Variants in DYNLRB2 observed in about 807,000 individuals in gnomAD.
DYNLRB2 encodes the protein dynein light chain roadblock-type 2.
In DYNLRB2, 14 loss-of-function variants were observed where a neutral mutation model predicts 12.6. The ratio of observed to expected loss-of-function variants is 1.11; its 90% CI spans 0.73 to 1.73. DYNLRB2 has a LOEUF of 1.73. Ranked by LOEUF, DYNLRB2 falls within the 40% of genes most tolerant of loss-of-function variation. The pLI, the probability that DYNLRB2 is intolerant of heterozygous loss-of-function variation, is 0.00. For missense variants in DYNLRB2, 142 were observed against 117.7 expected (o/e 1.21, Z -0.95); for synonymous variants, 53 against 37.0 (o/e 1.43, Z -1.57).
Position 80,550,512 on chromosome 16 carries a change from T to A in DYNLRB2, c.248-3T>A, listed in dbSNP as rs368189826. On this transcript the variant is annotated splice_region_variant and splice_polypyrimidine_tract_variant and intron_variant, in intron 3 of 3. Coordinates refer to ENST00000305904, the MANE Select transcript of DYNLRB2 (RefSeq NM_130897.3). The stretch of plus-strand genomic sequence containing the variant: ...TGAATTGATTTTATCCATCTCTCCA[T>A]AGATAAGGAATATCTTCTGATCGTC... 6.2e-7 allele frequency: 1 copy of A among 1,614,160 alleles called. No homozygotes were observed. The highest frequency in any genetic ancestry group is 1.1e-5 in the South Asian group (1 of 91,082).
intron 2 of DYNLRB2, among the ~76,000 whole-genome samples, chr16:80,546,680 C>A (rs1312157236): frequency 6.6e-6 from 1 of 152,156 alleles, no homozygotes; most frequent in Non-Finnish European, 1.5e-5. Context: ...GTATATTTGT[C>A]ACCCGGGCAG....
At chr16:80,544,083 A>G (rs899201698) in intron 2 of DYNLRB2, among the ~76,000 whole-genome samples, 7 of 152,190 alleles carry the variant, frequency 4.6e-5, no homozygotes, top group Admixed American at 3.3e-4. Context: ...ACTTTACATA[A>G]TTTGTGGTGC....
upstream of DYNLRB2, chr16:80,540,915 G>C: frequency 3.0e-6 from 4 of 1,312,832 alleles, no homozygotes; most frequent in Non-Finnish European, 3.2e-6. Context: ...GGCATCAGGA[G>C]CGCGGTCAGG....
At chr16:80,547,950 G>C (rs1904582685) in intron 2 of DYNLRB2, 2 of 325,168 alleles carry the variant, frequency 6.2e-6, no homozygotes, top group Non-Finnish European at 1.2e-5. Context: ...AAAAGAAAGA[G>C]AAATCAGTCT....
chr16:80,542,443 G>A (rs576371868), intron 1 of DYNLRB2, among the ~76,000 whole-genome samples: 1 of 152,272 alleles, frequency 6.6e-6, no homozygotes, highest in African/African-American at 2.4e-5. Context: ...CTATCTTGAA[G>A]TAACAAAATG....
At chr16:80,547,550 G>A (rs1904551949) in intron 2 of DYNLRB2, among the ~76,000 whole-genome samples, 1 of 152,126 alleles carries the variant, frequency 6.6e-6, no homozygotes, top group African/African-American at 2.4e-5. Flanking sequence ...CTTGGATCAT[G>A]AACAGACTAA....
At position 80,550,736 on chromosome 16, in the gene DYNLRB2, T is replaced by C. The variant is rs1904795113; in HGVS notation, c.*178T>C. 1 of 665,064 alleles carries C rather than the reference T, an allele frequency of 1.5e-6. No homozygotes were observed. Among genetic ancestry groups the C allele is most frequent in the East Asian group, 2.7e-5 (1 of 36,556 alleles). 41.2% of individuals were successfully genotyped at this position (665,064 alleles called of 1,614,324 possible). ...TTTGATTATATTGTGAAGTTGTACT[T>C]TAGTGATACAATAAGTGAATTCTGG... On this transcript the variant is annotated 3_prime_UTR_variant, in exon 4 of 4. Transcript: ENST00000305904.
At chr16:80,541,805 G>C (rs961645979) in intron 1 of DYNLRB2, among the ~76,000 whole-genome samples, 3 of 152,106 alleles carry the variant, frequency 2.0e-5, no homozygotes, top group Non-Finnish European at 4.4e-5. Flanking sequence ...GGACACAGTG[G>C]CTGTAAGAAG....
At chr16:80,549,699 A>G in intron 3 of DYNLRB2, 48 bp downstream of exon 3, 1 of 1,535,576 alleles carries the variant, frequency 6.5e-7, no homozygotes, top group South Asian at 1.3e-5. Flanking sequence ...CTAATTTGCT[A>G]GATTAAAAGC....
At chr16:80,544,144 G>C (rs1268410071) in intron 2 of DYNLRB2, among the ~76,000 whole-genome samples, 1 of 152,178 alleles carries the variant, frequency 6.6e-6, no homozygotes, top group Non-Finnish European at 1.5e-5. Flanking sequence ...AAATCCATCA[G>C]TAAATATTTA....
At chr16:80,546,138 A>T (rs1904451860) in intron 2 of DYNLRB2, among the ~76,000 whole-genome samples, 1 of 152,232 alleles carries the variant, frequency 6.6e-6, no homozygotes, top group Non-Finnish European at 1.5e-5. Flanking sequence ...GATTGTTAAT[A>T]ACCAGAGTAT....
rs145517292 is a variant in DYNLRB2, at chr16:80,549,583, T to C, written c.179T>C (p.Ile60Thr). The change falls in exon 3 of 4, where the codon ATT becomes ACT. Residue 60 changes from isoleucine (I) to threonine (T), a missense_variant. Physicochemically the swap from Ile to Thr is moderately conservative, Grantham distance 89. Coordinates refer to ENST00000305904, the MANE Select transcript of DYNLRB2 (RefSeq NM_130897.3). ...AAAGCCAAAAGCACAGTTCGTGATATTGATCCTCAGAACGACCTGACTTTT... is the reference window on the plus strand; with the variant it reads ...AAAGCCAAAAGCACAGTTCGTGATACTGATCCTCAGAACGACCTGACTTTT... ...TMKAKSTVRD[I>T]DPQNDLTFLR... The C allele has an allele frequency of 3.7e-5, 60 of 1,612,840 alleles. No homozygotes were observed. Among genetic ancestry groups the C allele is most frequent in the East Asian group, 4.5e-5 (2 of 44,850 alleles).
In DYNLRB2 at chr16:80,550,522, A is replaced by T. The variant is rs146293428; in HGVS notation, c.255A>T (p.Glu85Asp). Residue 85 changes from glutamate to aspartate, a missense_variant, in exon 4 of 4, where the codon GAA becomes GAT. Transcript: ENST00000305904. ...TTATCCATCTCTCCATAGATAAGGAATATCTTCTGATCGTCATTCAGAATC... is the reference window on the plus strand; with the variant it reads ...TTATCCATCTCTCCATAGATAAGGATTATCTTCTGATCGTCATTCAGAATC... ...KHEIMVAPDK[E>D]YLLIVIQNPC... is the part of the protein sequence containing the mutation. 5 of 1,614,066 alleles carry T rather than the reference A, an allele frequency of 3.1e-6. No individual in the cohort carries two copies. The African/African-American group carries it at 4.0e-5, about 13-fold the overall frequency.
intron 2 of DYNLRB2, chr16:80,547,983 T>C: frequency 2.9e-6 from 1 of 341,294 alleles, no homozygotes; most frequent in Non-Finnish European, 5.7e-6. Context: ...TTGATGGTCT[T>C]CAAGATTTTT....
intron 2 of DYNLRB2, chr16:80,544,921 T>A (rs751480821): frequency 6.6e-6 from 1 of 152,210 alleles, no homozygotes; most frequent in East Asian, 1.9e-4. Flanking sequence ...ACCCCAGTTA[T>A]TGGATTAGGG....
Position 80,550,611 on chromosome 16 carries a change from C to G in DYNLRB2, c.*53C>G, listed in dbSNP as rs370418206. 372 of 1,581,624 alleles carry G rather than the reference C, an allele frequency of 2.4e-4. 1 individual carries two copies. The Middle Eastern group carries it at 3.3e-3, about 14-fold the overall frequency. On this transcript the variant is annotated 3_prime_UTR_variant, in exon 4 of 4. Coordinates refer to ENST00000305904, the MANE Select transcript of DYNLRB2 (RefSeq NM_130897.3). ...GACACTGGGTTGGAAACACTTGGCT[C>G]TCTCATGAGTATTAAAATTCTATTT... is the stretch of plus-strand genomic sequence containing the variant.
At chr16:80,544,487 C>G (rs1244856038) in intron 2 of DYNLRB2, among the ~76,000 whole-genome samples, 1 of 152,192 alleles carries the variant, frequency 6.6e-6, no homozygotes, top group Non-Finnish European at 1.5e-5. Context: ...AAGTCACAAA[C>G]TATGCGTAAT....
At chr16:80,548,069 G>A in intron 2 of DYNLRB2, 1 of 287,714 alleles carries the variant, frequency 3.5e-6, no homozygotes, top group Non-Finnish European at 6.8e-6. Flanking sequence ...AATCGTTTCT[G>A]GACCCACATT....
chr16:80,548,909 G>A (rs962681067), intron 2 of DYNLRB2: 1 of 456,026 alleles, frequency 2.2e-6, no homozygotes, highest in Admixed American at 2.3e-5. Context: ...CCTCTAGCAT[G>A]TGCAGTGATA....
Sources: gnomAD v4.1 joint callset for allele counts (sites outside exome capture counted in the v4.1 genomes callset) on GRCh38, gnomAD v4.1.1 for gene constraint, MANE v1.5 for transcripts, NCBI Gene and HGNC (gene_info 2026-07-23, HGNC 2026-07-21) for gene names.